Variants in MAGEB4 observed in about 807,000 individuals in gnomAD.
The protein encoded by MAGEB4 is MAGE family member B4, also known as melanoma-associated antigen B4.
For synonymous variants in MAGEB4, 101 were observed against 101.9 expected (o/e 0.99, Z 0.05); for missense variants, 237 against 269.3 (o/e 0.88, Z 0.84).
chrX:30,242,797 G>T lies in MAGEB4; in HGVS notation c.662G>T (p.Trp221Leu), dbSNP rs1474321717. The change falls in exon 1 of 1, where the codon TGG (tryptophan) becomes TTG (leucine). Residue 221 changes from tryptophan (W) to leucine (L), a missense_variant. Coordinates refer to ENST00000378982, the MANE Select transcript of MAGEB4 (RefSeq NM_002367.4). ...NGNCAREEEI[W>L]EFLNMLGIYD... ...AACTGTGCCCGTGAAGAGGAAATCT[G>T]GGAATTCCTGAATATGCTGGGGATC... is the stretch of plus-strand genomic sequence containing the variant. 1 of 1,211,427 alleles carries T rather than the reference G, an allele frequency of 8.3e-7. No homozygotes were observed. Among genetic ancestry groups the T allele is most frequent in the Admixed American group, 2.2e-5 (1 of 46,074 alleles).
In MAGEB4 at chrX:30,243,451, C is replaced by T. The variant is rs571587034; in HGVS notation, c.*275C>T. 123 of 265,324 alleles carry T rather than the reference C, an allele frequency of 4.6e-4. 1 individual carries two copies. The South Asian group carries it at 0.021, about 45-fold the overall frequency. 21.9% of individuals were successfully genotyped at this position (265,324 alleles called of 1,213,427 possible). ...TTTTGTGATACAGAGCAAAATAACACGGCATGGGAGTAAGGTTATCCTTAG... is the reference window on the plus strand; with the variant it reads ...TTTTGTGATACAGAGCAAAATAACATGGCATGGGAGTAAGGTTATCCTTAG... On this transcript the variant is annotated 3_prime_UTR_variant, in exon 1 of 1. Transcript: ENST00000378982.
In MAGEB4 at chrX:30,242,570, G is replaced by C; in HGVS notation, c.435G>C (p.Glu145Asp). The C allele has an allele frequency of 8.3e-7, 1 of 1,210,660 alleles. No individual in the cohort carries two copies. Among genetic ancestry groups the C allele is most frequent in the Non-Finnish European group, 1.1e-6 (1 of 895,034 alleles). Reference sequence around the variant, plus strand: ...AGATCATCAGCAAAAAGTACAAGGAGCACTTCCCTGAGATCTTCAGGAAAG... The same window carrying C: ...AGATCATCAGCAAAAAGTACAAGGACCACTTCCCTGAGATCTTCAGGAAAG... ...MLKIISKKYK[E>D]HFPEIFRKVS... is the part of the protein sequence containing the mutation. The change falls in exon 1 of 1, where the codon GAG becomes GAC. Residue 145 changes from glutamate (E) to aspartate (D), a missense_variant. Glu to Asp is a conservative substitution (Grantham distance 45). Transcript: ENST00000378982.
Position 30,242,913 on chromosome X carries a change from G to C in MAGEB4, c.778G>C (p.Val260Leu), listed in dbSNP as rs1925190648. The stretch of plus-strand genomic sequence containing the variant: ...GGAAAAATATCTGGAATACCAGCAG[G>C]TGCCCAACAGTGATCCCCCACGCTA... ...VQEKYLEYQQ[V>L]PNSDPPRYQF... The change falls in exon 1 of 1, where the codon GTG becomes CTG. Residue 260 changes from valine to leucine, a missense_variant. Physicochemically the swap from Val to Leu is conservative, Grantham distance 32 (BLOSUM62 1). Transcript: ENST00000378982. 8.3e-7 allele frequency: 1 copy of C among 1,210,509 alleles called. No individual in the cohort carries two copies. The highest frequency in any genetic ancestry group is 1.7e-5 in the African/African-American group (1 of 57,335).
chrX:30,242,758 T>A lies in MAGEB4; in HGVS notation c.623T>A (p.Ile208Asn). 1 of 1,211,869 alleles carries A rather than the reference T, an allele frequency of 8.3e-7. No individual in the cohort carries two copies. The highest frequency in any genetic ancestry group is 1.1e-6 in the Non-Finnish European group (1 of 895,482). ...NGLLMPLLSV[I>N]FLNGNCAREE... ...CTTCTGATGCCTCTACTGAGTGTGA[T>A]CTTCTTAAATGGCAACTGTGCCCGT... Residue 208 changes from isoleucine to asparagine, a missense_variant, in exon 1 of 1, where the codon ATC becomes AAC. Coordinates refer to ENST00000378982, the MANE Select transcript of MAGEB4 (RefSeq NM_002367.4).
chrX:30,242,577 C>T lies in MAGEB4; in HGVS notation c.442C>T (p.Pro148Ser), dbSNP rs2147341988. ...IISKKYKEHF[P>S]EIFRKVSQRT... is the part of the protein sequence containing the mutation. ...CAGCAAAAAGTACAAGGAGCACTTCCCTGAGATCTTCAGGAAAGTCTCTCA... is the reference window on the plus strand; with the variant it reads ...CAGCAAAAAGTACAAGGAGCACTTCTCTGAGATCTTCAGGAAAGTCTCTCA... The change falls in exon 1 of 1, where the codon CCT becomes TCT. Residue 148 changes from proline to serine, a missense_variant. Pro to Ser is a moderately conservative substitution (Grantham distance 74). Coordinates refer to ENST00000378982, the MANE Select transcript of MAGEB4 (RefSeq NM_002367.4). 2.5e-6 allele frequency: 3 copies of T among 1,210,841 alleles called. No homozygotes were observed. The highest frequency in any genetic ancestry group is 3.4e-6 in the Non-Finnish European group (3 of 895,157).
Position 30,242,160 on chromosome X carries a change from C to T in MAGEB4, c.25C>T (p.Leu9Phe). 8.7e-7 allele frequency: 1 copy of T among 1,149,977 alleles called. No individual in the cohort carries two copies. Among genetic ancestry groups the T allele is most frequent in the Non-Finnish European group, 1.2e-6 (1 of 867,254 alleles). The allele number at this position is 1,149,977 out of a possible 1,213,427, so 94.8% of individuals were successfully genotyped here. MPRGQKSK[L>F]RAREKRQRTR... ...CATGCCTCGGGGTCAGAAGAGTAAG[C>T]TCCGTGCCCGTGAGAAACGCCAGCG... Residue 9 changes from leucine to phenylalanine, a missense_variant, in exon 1 of 1, where the codon CTC (leucine) becomes TTC (phenylalanine). Physicochemically the swap from Leu to Phe is conservative, Grantham distance 22 (BLOSUM62 0). Transcript: ENST00000378982.
At position 30,243,149 on chromosome X, in the gene MAGEB4, A is replaced by G; in HGVS notation, c.1014A>G (p.Thr338=). The G allele has an allele frequency of 8.5e-7, 1 of 1,177,902 alleles. No homozygotes were observed. Among genetic ancestry groups the G allele is most frequent in the Non-Finnish European group, 1.1e-6 (1 of 879,421 alleles). ...TGACTAGTGCGTATTCCAGGGCCAC[A>G]TCCAGTAGCTCTTCCCAACCCATGT... The part of the protein sequence containing the change: ...TAMTSAYSRA[T]SSSSSQPM The change falls in exon 1 of 1, where the codon ACA becomes ACG. Residue 338 remains threonine (T), a synonymous_variant. Coordinates refer to ENST00000378982, the MANE Select transcript of MAGEB4 (RefSeq NM_002367.4).
Position 30,243,087 on chromosome X carries a change from C to A in MAGEB4, c.952C>A (p.Arg318=). The A allele has an allele frequency of 1.7e-6, 2 of 1,210,747 alleles. No homozygotes were observed. Among genetic ancestry groups the A allele is most frequent in the African/African-American group, 1.7e-5 (1 of 57,774 alleles). ...LRDEEERAGA[R]PRVAARRGTT... ...AGATGAAGAAGAGAGAGCTGGAGCC[C>A]GGCCCAGAGTTGCAGCCAGGCGTGG... Residue 318 remains arginine (R), a synonymous_variant, in exon 1 of 1, where the codon CGG becomes AGG. Coordinates refer to ENST00000378982, the MANE Select transcript of MAGEB4 (RefSeq NM_002367.4).
In MAGEB4 at chrX:30,242,417, C is replaced by T; in HGVS notation, c.282C>T (p.Ser94=). ...DESQDEENAS[S]SQASTSTERS... is the part of the protein sequence containing the mutation. The stretch of plus-strand genomic sequence containing the variant: ...GCCAAGATGAGGAAAATGCAAGTTC[C>T]TCCCAGGCCTCAACATCCACTGAGA... Residue 94 remains serine, a synonymous_variant, in exon 1 of 1, where the codon TCC becomes TCT. Coordinates refer to ENST00000378982, the MANE Select transcript of MAGEB4 (RefSeq NM_002367.4). 1 of 1,209,072 alleles carries T rather than the reference C, an allele frequency of 8.3e-7. No homozygotes were observed. Among genetic ancestry groups the T allele is most frequent in the Non-Finnish European group, 1.1e-6 (1 of 894,081 alleles).
rs138311456 is a variant in MAGEB4, at chrX:30,242,387, C to T, written c.252C>T (p.Asp84=). The T allele has an allele frequency of 4.2e-5, 51 of 1,207,675 alleles. No individual in the cohort carries two copies. Among genetic ancestry groups the T allele is most frequent in the African/African-American group, 3.0e-4 (17 of 57,110 alleles). Reference sequence around the variant, plus strand: ...CATGCACTGGATCTGATAAAGGCGACGAGAGCCAAGATGAGGAAAATGCAA... The same window carrying T: ...CATGCACTGGATCTGATAAAGGCGATGAGAGCCAAGATGAGGAAAATGCAA... ...AMSCTGSDKG[D]ESQDEENASS... is the part of the protein sequence containing the mutation. The change falls in exon 1 of 1, where the codon GAC becomes GAT. Residue 84 remains aspartate, a synonymous_variant. Transcript: ENST00000378982.
At position 30,242,197 on chromosome X, in the gene MAGEB4, A is replaced by T; in HGVS notation, c.62A>T (p.Gln21Leu). 8.6e-7 allele frequency: 1 copy of T among 1,165,806 alleles called. No individual in the cohort carries two copies. Among genetic ancestry groups the T allele is most frequent in the South Asian group, 2.0e-5 (1 of 48,960 alleles). ...AREKRQRTRGQTQDLKVGQPT... is the reference protein window; with the variant it reads ...AREKRQRTRGLTQDLKVGQPT... ...GAGAAACGCCAGCGGACCCGTGGTC[A>T]GACCCAGGATCTCAAGGTTGGTCAG... Residue 21 changes from glutamine to leucine, a missense_variant, in exon 1 of 1, where the codon CAG becomes CTG. Transcript: ENST00000378982.
rs1925159534 is a variant in MAGEB4 at position 30,242,276 on chromosome X, G to C, written c.141G>C (p.Arg47Ser). The C allele has an allele frequency of 1.7e-6, 2 of 1,206,836 alleles. No homozygotes were observed. Among genetic ancestry groups the C allele is most frequent in the Non-Finnish European group, 1.1e-6 (1 of 893,510 alleles). Residue 47 changes from arginine to serine, a missense_variant, in exon 1 of 1, where the codon AGG becomes AGC. Arg to Ser is a moderately radical substitution (Grantham distance 110). Transcript: ENST00000378982. The stretch of plus-strand genomic sequence containing the variant: ...CTTCCTCTTCCTCATCTGTTTTGAG[G>C]GATACTGCCTCCAGCTCCCTTGCTT... ...ESPSSSSSVL[R>S]DTASSSLAFG...
chrX:30,242,424 G>A lies in MAGEB4; in HGVS notation c.289G>A (p.Ala97Thr). The A allele has an allele frequency of 8.3e-7, 1 of 1,209,458 alleles. No homozygotes were observed. Among genetic ancestry groups the A allele is most frequent in the Non-Finnish European group, 1.1e-6 (1 of 894,272 alleles). ...TGAGGAAAATGCAAGTTCCTCCCAGGCCTCAACATCCACTGAGAGATCACT... is the reference window on the plus strand; with the variant it reads ...TGAGGAAAATGCAAGTTCCTCCCAGACCTCAACATCCACTGAGAGATCACT... ...QDEENASSSQ[A>T]STSTERSLKD... The change falls in exon 1 of 1, where the codon GCC becomes ACC. Residue 97 changes from alanine (A) to threonine (T), a missense_variant. By Grantham distance (58) the Ala-to-Thr change is moderately conservative. Transcript: ENST00000378982.
In MAGEB4 at chrX:30,243,087, C is replaced by T. The variant is rs370615666; in HGVS notation, c.952C>T (p.Arg318Trp). Residue 318 changes from arginine (R) to tryptophan (W), a missense_variant, in exon 1 of 1, where the codon CGG becomes TGG. Physicochemically the swap from Arg to Trp is moderately radical, Grantham distance 101. Coordinates refer to ENST00000378982, the MANE Select transcript of MAGEB4 (RefSeq NM_002367.4). ...AGATGAAGAAGAGAGAGCTGGAGCC[C>T]GGCCCAGAGTTGCAGCCAGGCGTGG... Reference protein sequence around the residue: ...LRDEEERAGARPRVAARRGTT... With the variant: ...LRDEEERAGAWPRVAARRGTT... 9 of 1,209,118 alleles carry T rather than the reference C, an allele frequency of 7.4e-6. No individual in the cohort carries two copies. Among genetic ancestry groups the T allele is most frequent in the Admixed American group, 4.4e-5 (2 of 45,769 alleles).
chrX:30,242,816 G>T lies in MAGEB4; in HGVS notation c.681G>T (p.Leu227=). The change falls in exon 1 of 1, where the codon CTG becomes CTT. Residue 227 remains leucine, a synonymous_variant. Coordinates refer to ENST00000378982, the MANE Select transcript of MAGEB4 (RefSeq NM_002367.4). The part of the protein sequence containing the change: ...EEEIWEFLNM[L]GIYDGKRHLI... Reference sequence around the variant, plus strand: ...AAATCTGGGAATTCCTGAATATGCTGGGGATCTATGATGGAAAGAGGCACC... The same window carrying T: ...AAATCTGGGAATTCCTGAATATGCTTGGGATCTATGATGGAAAGAGGCACC... The T allele has an allele frequency of 1.7e-6, 2 of 1,211,543 alleles. No homozygotes were observed. Among genetic ancestry groups the T allele is most frequent in the Non-Finnish European group, 1.1e-6 (1 of 895,170 alleles).
At position 30,243,124 on chromosome X, in the gene MAGEB4, T is replaced by G. The variant is rs151086232; in HGVS notation, c.989T>G (p.Met330Arg). Residue 330 changes from methionine (M) to arginine (R), a missense_variant, in exon 1 of 1, where the codon ATG becomes AGG. By Grantham distance (91) the Met-to-Arg change is moderately conservative (BLOSUM62 -1). Coordinates refer to ENST00000378982, the MANE Select transcript of MAGEB4 (RefSeq NM_002367.4). ...RVAARRGTTA[M>R]TSAYSRATSS... Reference sequence around the variant, plus strand: ...GCAGCCAGGCGTGGCACTACAGCCATGACTAGTGCGTATTCCAGGGCCACA... The same window carrying G: ...GCAGCCAGGCGTGGCACTACAGCCAGGACTAGTGCGTATTCCAGGGCCACA... The G allele has an allele frequency of 8.3e-7, 1 of 1,200,887 alleles. No homozygotes were observed. The highest frequency in any genetic ancestry group is 2.2e-5 in the Admixed American group (1 of 44,746).
Position 30,242,393 on chromosome X carries a change from C to T in MAGEB4, c.258C>T (p.Ser86=). The change falls in exon 1 of 1, where the codon AGC becomes AGT. Residue 86 remains serine (S), a synonymous_variant. Transcript: ENST00000378982. ...SCTGSDKGDE[S]QDEENASSSQ... ...CTGGATCTGATAAAGGCGACGAGAG[C>T]CAAGATGAGGAAAATGCAAGTTCCT... 1 of 1,209,493 alleles carries T rather than the reference C, an allele frequency of 8.3e-7. No homozygotes were observed. The highest frequency in any genetic ancestry group is 1.1e-6 in the Non-Finnish European group (1 of 894,341).
rs1462095222 is a variant in MAGEB4 at position 30,242,872 on chromosome X, C to T, written c.737C>T (p.Thr246Ile). ...TTTGGGGAACCCCGAAAGCTCATCA[C>T]CCAAGATCTGGTACAGGAAAAATAT... ...LIFGEPRKLI[T>I]QDLVQEKYLE... Residue 246 changes from threonine (T) to isoleucine (I), a missense_variant, in exon 1 of 1, where the codon ACC (threonine) becomes ATC (isoleucine). By Grantham distance (89) the Thr-to-Ile change is moderately conservative. Transcript: ENST00000378982. The T allele has an allele frequency of 8.3e-6, 10 of 1,210,418 alleles. No individual in the cohort carries two copies. The highest frequency in any genetic ancestry group is 1.7e-5 in the African/African-American group (1 of 57,277).
rs761685473 is a variant in MAGEB4, at chrX:30,243,133, C to A, written c.998C>A (p.Ala333Glu). Residue 333 changes from alanine to glutamate, a missense_variant, in exon 1 of 1, where the codon GCG becomes GAG. Transcript: ENST00000378982. Reference sequence around the variant, plus strand: ...CGTGGCACTACAGCCATGACTAGTGCGTATTCCAGGGCCACATCCAGTAGC... The same window carrying A: ...CGTGGCACTACAGCCATGACTAGTGAGTATTCCAGGGCCACATCCAGTAGC... ...ARRGTTAMTS[A>E]YSRATSSSSS... 8.4e-7 allele frequency: 1 copy of A among 1,192,278 alleles called. No individual in the cohort carries two copies.
Sources: allele counts gnomAD v4.1 joint callset, GRCh38; gene constraint gnomAD v4.1.1; transcripts MANE v1.5; gene names NCBI Gene and HGNC (gene_info 2026-07-23, HGNC 2026-07-21).